Variants in LY6S observed in about 807,000 individuals in gnomAD.
LY6S encodes lymphocyte antigen 6 family member S.
the LY6S span, among the ~76,000 whole-genome samples, chr8:143,073,833 G>C: frequency 4.3e-3 from 388 of 90,810 alleles, no homozygotes; most frequent in African/African-American, 0.019. Context: ...GGAGACAGCC[G>C]TCGTCCCCGG....
At chr8:143,072,473 G>A in the LY6S span, among the ~76,000 whole-genome samples, 1 of 111,724 alleles carries the variant, frequency 9.0e-6, no homozygotes, top group South Asian at 3.0e-4. Flanking sequence ...GGAGACAGCC[G>A]TCCTCCCCGG....
the LY6S span, among the ~76,000 whole-genome samples, chr8:143,076,053 A>C: frequency 1.3e-5 from 2 of 152,294 alleles, no homozygotes; most frequent in East Asian, 3.9e-4. Context: ...AACAATCTGT[A>C]CCTTTAGGAC....
the LY6S span, among the ~76,000 whole-genome samples, chr8:143,067,594 T>C: frequency 6.6e-6 from 1 of 152,212 alleles, no homozygotes. Context: ...GCACTTAACA[T>C]GCGAGGACCC....
At chr8:143,070,846 T>C in the LY6S span, among the ~76,000 whole-genome samples, 1 of 152,256 alleles carries the variant, frequency 6.6e-6, no homozygotes, top group East Asian at 1.9e-4. Flanking sequence ...TCTACCCTAT[T>C]ATTTTATACA....
the LY6S span, among the ~76,000 whole-genome samples, chr8:143,063,397 C>A: frequency 2.0e-5 from 3 of 152,214 alleles, no homozygotes; most frequent in Non-Finnish European, 4.4e-5. Flanking sequence ...ATGCTGAATG[C>A]AGCTCCCAAT....
the LY6S span, among the ~76,000 whole-genome samples, chr8:143,062,605 G>A: frequency 2.9e-4 from 44 of 152,246 alleles, no homozygotes; most frequent in Non-Finnish European, 4.7e-4. Context: ...CCTGGGAGGC[G>A]GATGTTACAG....
the LY6S span, among the ~76,000 whole-genome samples, chr8:143,072,389 C>CAGCCGTCGTCCTCGGGGTCCCTG: frequency 2.1e-5 from 1 of 46,742 alleles, no homozygotes; most frequent in African/African-American, 1.1e-4. Flanking sequence ...CGGGATTCCT[C>CAGCCGTCGTCCTCGGGGTCCCTG]TTTGAGGAGA....
chr8:143,065,579 T>C, the LY6S span, among the ~76,000 whole-genome samples: 1 of 152,036 alleles, frequency 6.6e-6, no homozygotes, highest in South Asian at 2.1e-4. Flanking sequence ...TTTTTGGTCA[T>C]GGGTGGATAA....
At chr8:143,041,734 A>C in the LY6S span, among the ~76,000 whole-genome samples, 1 of 152,168 alleles carries the variant, frequency 6.6e-6, no homozygotes, top group Non-Finnish European at 1.5e-5. Flanking sequence ...TGGGGAACTA[A>C]TAAATGTCCA....
the LY6S span, chr8:143,054,140 A>G: frequency 6.6e-5 from 10 of 151,978 alleles, no homozygotes; most frequent in African/African-American, 2.2e-4. Flanking sequence ...CCCCTCCTCT[A>G]CTAAAAATAC....
the LY6S span, chr8:143,043,092 G>T: frequency 1.5e-6 from 2 of 1,367,664 alleles, no homozygotes; most frequent in African/African-American, 2.9e-5. Flanking sequence ...CAGAGGGTAG[G>T]CCTGCGGGGG....
chr8:143,059,988 A>T, the LY6S span: 1 of 152,298 alleles, frequency 6.6e-6, no homozygotes. Context: ...TATGAATATT[A>T]TCAATCATTA....
the LY6S span, among the ~76,000 whole-genome samples, chr8:143,062,438 C>A: frequency 6.6e-6 from 1 of 152,132 alleles, no homozygotes; most frequent in Non-Finnish European, 1.5e-5. Flanking sequence ...GAGGCCAAGG[C>A]GGGTGGATCA....
chr8:143,049,013 C>G, the LY6S span, among the ~76,000 whole-genome samples: 100,236 of 151,934 alleles, frequency 0.66, 33,204 homozygotes, highest in East Asian at 0.74. Flanking sequence ...CAGCCAGCAG[C>G]GGGGGCCACC....
the LY6S span, chr8:143,065,903 G>T: frequency 4.2e-6 from 1 of 239,858 alleles, no homozygotes; most frequent in African/African-American, 2.4e-5. Context: ...CAGTCTTTAA[G>T]GACTCAGTTC....
At chr8:143,055,679 G>A in the LY6S span, among the ~76,000 whole-genome samples, 1 of 152,184 alleles carries the variant, frequency 6.6e-6, no homozygotes, top group African/African-American at 2.4e-5. Flanking sequence ...ATAACAGCTT[G>A]TACGAGCGCT....
the LY6S span, among the ~76,000 whole-genome samples, chr8:143,068,064 T>G: frequency 1.3e-5 from 2 of 152,216 alleles, no homozygotes; most frequent in Non-Finnish European, 2.9e-5. Context: ...GGATGTAAGG[T>G]CTTTCCTTTC....
chr8:143,068,482 A>T, the LY6S span, among the ~76,000 whole-genome samples: 7,463 of 152,072 alleles, frequency 0.049, 594 homozygotes, highest in African/African-American at 0.17. Context: ...GCCTTCTGCT[A>T]TGATTGGAAA....
chr8:143,062,343 T>C, the LY6S span, among the ~76,000 whole-genome samples: 1 of 152,130 alleles, frequency 6.6e-6, no homozygotes, highest in African/African-American at 2.4e-5. Context: ...TAACAAGAGA[T>C]GCAGAAGACC....
Sources: allele counts gnomAD v4.1 joint callset (sites outside exome capture counted in the v4.1 genomes callset), GRCh38; gene constraint gnomAD v4.1.1; transcripts MANE v1.5; gene names NCBI Gene and HGNC (gene_info 2026-07-23, HGNC 2026-07-21).